Variants in PROSER2 observed in about 807,000 individuals in gnomAD.
The protein encoded by PROSER2 is proline and serine rich 2.
A neutral mutation model predicts 14.6 loss-of-function variants in PROSER2; 18 were observed. That is an observed-to-expected ratio of 1.23 (90% CI 0.85 to 1.83). The LOEUF is 1.83. Among genes scored for constraint, PROSER2 ranks in the 40% most tolerant of loss-of-function variants. The pLI, the probability that PROSER2 is intolerant of heterozygous loss-of-function variation, is 0.00. For missense variants in PROSER2, 823 were observed against 629.8 expected (o/e 1.31, Z -3.28); for synonymous variants, 367 against 286.4 (o/e 1.28, Z -2.84).
At chr10:11,855,330 T>C (rs550880361) in intron 2 of PROSER2, among the ~76,000 whole-genome samples, 12 of 151,670 alleles carry the variant, frequency 7.9e-5, no homozygotes, top group East Asian at 1.9e-4. Flanking sequence ...AAAAATTAGC[T>C]GGGCGTGTTG....
chr10:11,858,030 G>T (rs1392549059), intron 2 of PROSER2, among the ~76,000 whole-genome samples: 9 of 152,128 alleles, frequency 5.9e-5, no homozygotes, highest in African/African-American at 1.9e-4. Flanking sequence ...TGCCTCCTGG[G>T]TTCCAGCAAT....
chr10:11,841,807 A>G (rs1480445491), intron 1 of PROSER2, among the ~76,000 whole-genome samples: 1 of 152,190 alleles, frequency 6.6e-6, no homozygotes, highest in East Asian at 1.9e-4. Flanking sequence ...CAGTTCTCCT[A>G]CGTATTCTGC....
chr10:11,828,651 C>T (rs369928346), intron 1 of PROSER2, among the ~76,000 whole-genome samples: 1 of 152,054 alleles, frequency 6.6e-6, no homozygotes, highest in African/African-American at 2.4e-5. Context: ...TGTAGTGAGC[C>T]GAGATCACGC....
intron 3 of PROSER2, among the ~76,000 whole-genome samples, chr10:11,867,365 A>G (rs942911734): frequency 1.3e-5 from 2 of 152,078 alleles, no homozygotes; most frequent in African/African-American, 4.8e-5. Flanking sequence ...AAAATTGGAA[A>G]TGGCTTCCAG....
rs35005102 is a variant in PROSER2 at position 11,833,984 on chromosome 10, C to CTTT, written c.-82+10540_-82+10542dup. 2.6e-3 allele frequency among the ~76,000 whole-genome samples: 126 copies of CTTT among 48,248 alleles called. 10 individuals are homozygous for CTTT. The highest frequency in any genetic ancestry group is 4.7e-3 in the African/African-American group (49 of 10,380). 31.7% of individuals were successfully genotyped at this position (48,248 alleles called of 152,430 possible). ...GGGGTTCCCAAGTGAGTAGCTCTTTCTTTTTTTTTTTTTTTTTTTTTTTTT... is the reference window on the plus strand; with the variant it reads ...GGGGTTCCCAAGTGAGTAGCTCTTTCTTTTTTTTTTTTTTTTTTTTTTTTTTTT... On this transcript the variant is annotated intron_variant, in intron 1 of 3. Transcript: ENST00000277570.
chr10:11,857,560 C>T (rs536912208), intron 2 of PROSER2, among the ~76,000 whole-genome samples: 12 of 152,156 alleles, frequency 7.9e-5, no homozygotes, highest in Admixed American at 2.0e-4. Flanking sequence ...GCCTGGCCAA[C>T]ATGGTGAAAC....
chr10:11,866,775 A>G lies in PROSER2; in HGVS notation c.383A>G (p.Gln128Arg). 1.2e-6 allele frequency: 2 copies of G among 1,611,000 alleles called. No homozygotes were observed. The highest frequency in any genetic ancestry group is 1.1e-5 in the South Asian group (1 of 91,042). Residue 128 changes from glutamine to arginine, a missense_variant, in exon 3 of 4, where the codon CAG becomes CGG. Coordinates refer to ENST00000277570, the MANE Select transcript of PROSER2 (RefSeq NM_153256.4). This position sits in a 1 kb window ranked among gnomAD's most constrained non-coding sequence, Gnocchi z 6.0. ...GEAEGLPEGT[Q>R]AAGPAPAGKE... ...GCCGAGGGCCTTCCAGAGGGGACCC[A>G]GGCAGCAGGTGAGGGGGAAGACAGG... is the stretch of plus-strand genomic sequence containing the variant.
chr10:11,828,908 A>G (rs964872307), intron 1 of PROSER2, among the ~76,000 whole-genome samples: 1 of 152,156 alleles, frequency 6.6e-6, no homozygotes, highest in East Asian at 1.9e-4. Flanking sequence ...CAGAGGACAG[A>G]GAGTCTTTCT....
Position 11,837,867 on chromosome 10 carries a change from T to C in PROSER2, c.-81-14130T>C, listed in dbSNP as rs1275682124. On this transcript the variant is annotated intron_variant, in intron 1 of 3. Coordinates refer to ENST00000277570, the MANE Select transcript of PROSER2 (RefSeq NM_153256.4). This position sits in a 1 kb window ranked among gnomAD's most constrained non-coding sequence, Gnocchi z 4.6. ...TGGTTAGTTTTGAGCTGAACTGTGA[T>C]GCTAGAAAAGGTTACCTTCGGGGTT... Among the ~76,000 whole-genome samples, 1 of 152,202 alleles carries C rather than the reference T, an allele frequency of 6.6e-6. No individual in the cohort carries two copies. The highest frequency in any genetic ancestry group is 1.5e-5 in the Non-Finnish European group (1 of 68,036).
At chr10:11,860,321 A>G (rs1834211770) in intron 2 of PROSER2, among the ~76,000 whole-genome samples, 1 of 152,190 alleles carries the variant, frequency 6.6e-6, no homozygotes, top group South Asian at 2.1e-4. Flanking sequence ...TGGCTCGGTG[A>G]AAATGGATTT....
At chr10:11,825,965 C>T (rs1833606405) in intron 1 of PROSER2, among the ~76,000 whole-genome samples, 2 of 152,164 alleles carry the variant, frequency 1.3e-5, no homozygotes, top group Non-Finnish European at 2.9e-5. Flanking sequence ...GTTATGCAAT[C>T]ATCACCACTA....
intron 1 of PROSER2, among the ~76,000 whole-genome samples, chr10:11,840,592 A>G (rs1163221569): frequency 1.3e-5 from 2 of 151,684 alleles, no homozygotes; most frequent in African/African-American, 4.8e-5. Context: ...TTTCTCATAT[A>G]TTCTTTGGGT....
chr10:11,832,235 C>A (rs1280254032), intron 1 of PROSER2, among the ~76,000 whole-genome samples: 1 of 152,186 alleles, frequency 6.6e-6, no homozygotes, highest in African/African-American at 2.4e-5. Flanking sequence ...TCCCAGCAGC[C>A]AACTTCCACC....
chr10:11,870,208 T>C lies in PROSER2; in HGVS notation c.1110T>C (p.Pro370=), dbSNP rs1481545301. ...APAGKSLCFR[P]GPALPSTRAR... is the part of the protein sequence containing the mutation. ...CTGGGAAGTCCCTCTGCTTCCGCCC[T>C]GGCCCGGCCCTGCCCAGCACGCGGG... Residue 370 remains proline (P), a synonymous_variant, in exon 4 of 4, where the codon CCT becomes CCC. Transcript: ENST00000277570. The C allele has an allele frequency of 2.7e-6, 4 of 1,490,314 alleles. No homozygotes were observed. Among genetic ancestry groups the C allele is most frequent in the African/African-American group, 1.5e-5 (1 of 68,190 alleles). 92.3% of individuals were successfully genotyped at this position (1,490,314 alleles called of 1,614,324 possible).
chr10:11,826,961 T>G (rs908720428), intron 1 of PROSER2, among the ~76,000 whole-genome samples: 1 of 146,546 alleles, frequency 6.8e-6, no homozygotes, highest in African/African-American at 2.5e-5. Context: ...CTCAGCTCAC[T>G]GCAGCCTCAA....
chr10:11,835,938 C>G (rs971237509), intron 1 of PROSER2, among the ~76,000 whole-genome samples: 3 of 152,174 alleles, frequency 2.0e-5, no homozygotes, highest in Non-Finnish European at 4.4e-5. Context: ...GTGAAACGCT[C>G]TCATTCATGG....
rs377674925 is a variant in PROSER2 at position 11,866,993 on chromosome 10, G to A, written c.391+210G>A. On this transcript the variant is annotated intron_variant, in intron 3 of 3. Transcript: ENST00000277570. The surrounding 1 kb of genome is among the most constrained non-coding windows in gnomAD (Gnocchi z 6.0). ...ATAAAGAATGGAATGGGCCAGGCGCGGTGGCTCAAGCCTGTAATCCCAGCA... is the reference window on the plus strand; with the variant it reads ...ATAAAGAATGGAATGGGCCAGGCGCAGTGGCTCAAGCCTGTAATCCCAGCA... Among the ~76,000 whole-genome samples, 42 of 152,256 alleles carry A rather than the reference G, an allele frequency of 2.8e-4. No individual in the cohort carries two copies. The highest frequency in any genetic ancestry group is 5.2e-4 in the Admixed American group (8 of 15,302).
intron 1 of PROSER2, among the ~76,000 whole-genome samples, chr10:11,826,582 CTATT>C (rs1013013897): frequency 3.9e-5 from 6 of 151,954 alleles, no homozygotes; most frequent in Admixed American, 1.3e-4. Flanking sequence ...ATGTATTTAT[CTATT>C]TATTTTTTTG....
rs1346808768 is a variant in PROSER2 at position 11,869,671 on chromosome 10, T to C, written c.573T>C (p.Val191=). The C allele has an allele frequency of 1.2e-6, 2 of 1,600,152 alleles. No homozygotes were observed. The part of the protein sequence containing the change: ...PVEHPRLLRS[V]PTPLVMAQKI... ...AGCACCCCAGACTCCTGCGCTCTGT[T>C]CCCACGCCCCTCGTTATGGCGCAGA... The change falls in exon 4 of 4, where the codon GTT becomes GTC. Residue 191 remains valine, a synonymous_variant. Transcript: ENST00000277570. This position sits in a 1 kb window ranked among gnomAD's most constrained non-coding sequence, Gnocchi z 4.4.
Sources: allele counts gnomAD v4.1 joint callset (sites outside exome capture counted in the v4.1 genomes callset), GRCh38; gene constraint gnomAD v4.1.1; non-coding constraint Gnocchi (gnomAD v3.1); transcripts MANE v1.5; gene names NCBI Gene and HGNC (gene_info 2026-07-23, HGNC 2026-07-21).